Variants in FAM13A observed in about 807,000 individuals in gnomAD.
The protein encoded by FAM13A is protein FAM13A.
Under a neutral mutation model 129.6 loss-of-function variants are expected in FAM13A, and 76 were observed. The ratio of observed to expected loss-of-function variants is 0.59; its 90% confidence interval spans 0.49 to 0.71. The LOEUF (loss-of-function observed/expected upper bound fraction) is 0.71, where lower values mean the gene tolerates loss of function less well. Among genes scored for constraint, FAM13A ranks in the 30% least tolerant of loss-of-function variants. The pLI is 0.00. For missense variants in FAM13A, 1,108 were observed against 1,249.3 expected, an observed-to-expected ratio of 0.89 and a Z score of 1.70; for synonymous variants, 443 against 449.9, an observed-to-expected ratio of 0.98 and a Z score of 0.20.
At chr4:88,920,315 T>A (rs1445505011) in intron 5 of FAM13A, among the ~76,000 whole-genome samples, 1 of 152,236 alleles carries the variant, frequency 6.6e-6, no homozygotes, top group East Asian at 1.9e-4. Flanking sequence ...AGGGGCAAAC[T>A]GACACCTCAC....
intron 7 of FAM13A, among the ~76,000 whole-genome samples, chr4:88,841,120 GTCA>G (rs1735734595): frequency 6.6e-6 from 1 of 152,138 alleles, no homozygotes. Context: ...TATTAGATGT[GTCA>G]TCAACTTTAT....
intron 22 of FAM13A, chr4:88,731,632 T>C (rs1578400997): frequency 7.2e-6 from 4 of 555,114 alleles, no homozygotes; most frequent in Non-Finnish European, 1.3e-5. Flanking sequence ...CTTCTGGGGG[T>C]TCCTGCTACT....
chr4:88,987,838 C>CAAAGAAAAAAAAAA (rs1762435826), intron 4 of FAM13A, among the ~76,000 whole-genome samples: 1 of 71,188 alleles, frequency 1.4e-5, no homozygotes, highest in Admixed American at 1.8e-4. Context: ...AGACTCCTCT[C>CAAAGAAAAAAAAAA]AAAAAAAAAA....
At chr4:88,920,905 T>A (rs543809336) in intron 5 of FAM13A, among the ~76,000 whole-genome samples, 18 of 152,166 alleles carry the variant, frequency 1.2e-4, no homozygotes, top group African/African-American at 4.1e-4. Flanking sequence ...GTGAAGAATG[T>A]AGAAGCCTCA....
intron 2 of FAM13A, among the ~76,000 whole-genome samples, chr4:89,021,919 G>A (rs750080997): frequency 2.0e-5 from 3 of 152,182 alleles, no homozygotes; most frequent in Non-Finnish European, 4.4e-5. Flanking sequence ...AGGGATAGGA[G>A]AGTAGCTGGT....
intron 11 of FAM13A, among the ~76,000 whole-genome samples, chr4:88,773,525 C>G (rs1721096183): frequency 6.6e-6 from 1 of 152,184 alleles, no homozygotes. Context: ...GCTCTTGCCT[C>G]CATGTTGCAC....
intron 2 of FAM13A, among the ~76,000 whole-genome samples, chr4:89,026,181 C>T (rs1767934276): frequency 6.6e-6 from 1 of 152,202 alleles, no homozygotes; most frequent in Admixed American, 6.5e-5. Flanking sequence ...TTGTATCTAA[C>T]TCAGTGGGAT....
At chr4:88,841,124 T>C (rs182066481) in intron 7 of FAM13A, among the ~76,000 whole-genome samples, 1 of 152,306 alleles carries the variant, frequency 6.6e-6, no homozygotes, top group East Asian at 1.9e-4. Flanking sequence ...AGATGTGTCA[T>C]CAACTTTATA....
chr4:88,860,643 T>C (rs1739328471), intron 6 of FAM13A, among the ~76,000 whole-genome samples: 1 of 152,244 alleles, frequency 6.6e-6, no homozygotes, highest in South Asian at 2.1e-4. Context: ...GAATGTGTAC[T>C]GTGAGCATCA....
intron 10 of FAM13A, among the ~76,000 whole-genome samples, chr4:88,784,259 C>A (rs575740225): frequency 1.3e-5 from 2 of 152,108 alleles, no homozygotes; most frequent in Non-Finnish European, 2.9e-5. Flanking sequence ...AGCCTGGATG[C>A]GATATCTGTT....
chr4:89,037,393 G>A (rs1355546643), intron 1 of FAM13A, among the ~76,000 whole-genome samples: 1 of 152,162 alleles, frequency 6.6e-6, no homozygotes. Flanking sequence ...TGTTTTGGCT[G>A]ATTTCTGCCT....
At chr4:88,749,110 T>C in intron 16 of FAM13A, 77 bp from the exon 17 acceptor site, 1 of 1,076,200 alleles carries the variant, frequency 9.3e-7, no homozygotes, top group Non-Finnish European at 1.4e-6. Context: ...ATCATTTTTG[T>C]TTTAAATAGG....
chr4:89,020,724 G>T (rs1049484831), intron 2 of FAM13A, 55 bp from the exon 3 acceptor site: 3 of 1,152,624 alleles, frequency 2.6e-6, no homozygotes, highest in East Asian at 2.4e-5. Flanking sequence ...GACATGAAAC[G>T]TAAAGAATGA....
chr4:88,852,623 C>T (rs940234103), intron 6 of FAM13A, among the ~76,000 whole-genome samples: 16 of 152,246 alleles, frequency 1.1e-4, no homozygotes, highest in African/African-American at 3.6e-4. Context: ...AGATCATAGT[C>T]TCCTCCTATT....
At chr4:88,924,240 C>G (rs938801821) in intron 5 of FAM13A, among the ~76,000 whole-genome samples, 1 of 152,078 alleles carries the variant, frequency 6.6e-6, no homozygotes, top group African/African-American at 2.4e-5. Flanking sequence ...GAGCCCGCAT[C>G]GCCAAGTCAA....
chr4:88,970,345 T>C (rs1759899326), intron 4 of FAM13A, among the ~76,000 whole-genome samples: 1 of 152,000 alleles, frequency 6.6e-6, no homozygotes, highest in South Asian at 2.1e-4. Flanking sequence ...GATGAGGCTA[T>C]ACAAGCACCA....
chr4:88,893,455 T>TC (rs1256950480), intron 6 of FAM13A, among the ~76,000 whole-genome samples: 7 of 152,034 alleles, frequency 4.6e-5, no homozygotes, highest in Admixed American at 6.6e-5. Context: ...AAACCCCGTC[T>TC]TACTAAAAAT....
chr4:88,991,020 G>A lies in FAM13A; in HGVS notation c.558C>T (p.Arg186=), dbSNP rs1018850965. The A allele has an allele frequency of 6.2e-7, 1 of 1,614,046 alleles. No homozygotes were observed. The highest frequency in any genetic ancestry group is 8.5e-7 in the Non-Finnish European group (1 of 1,180,020). ...CAGTGGCGAGATTGTGAACATTCAT[G>A]CGATTCTGCACATGATGCTTGGCTA... ...TKVAKHHVQN[R]MNVHNLATVF... Residue 186 remains arginine (R), a synonymous_variant, in exon 4 of 24, where the codon CGC becomes CGT. Coordinates refer to ENST00000264344, the MANE Select transcript of FAM13A (RefSeq NM_014883.4).
intron 5 of FAM13A, among the ~76,000 whole-genome samples, chr4:88,928,965 T>G (rs1476823689): frequency 1.3e-5 from 2 of 152,214 alleles, no homozygotes; most frequent in African/African-American, 4.8e-5. Flanking sequence ...CTTTCTGTGA[T>G]TGCTTTATAA....
Sources: allele counts gnomAD v4.1 joint callset (sites outside exome capture counted in the v4.1 genomes callset), GRCh38; gene constraint gnomAD v4.1.1; transcripts MANE v1.5; gene names NCBI Gene and HGNC (gene_info 2026-07-23, HGNC 2026-07-21).